Variants in FAM76B observed in about 807,000 individuals in gnomAD.
FAM76B encodes the protein protein FAM76B.
FAM76B carries 16 observed loss-of-function variants against 51.8 expected under a neutral mutation model. The observed-to-expected ratio is 0.31, with a 90% CI of 0.21 to 0.47. FAM76B has a LOEUF of 0.47. FAM76B is among the 20% of genes least tolerant of loss of function. The pLI, the probability that FAM76B is intolerant of heterozygous loss-of-function variation, is 1.00. For synonymous variants in FAM76B, 166 were observed against 129.5 expected (o/e 1.28, Z -1.91); for missense variants, 342 against 392.6 (o/e 0.87, Z 1.09).
intron 4 of FAM76B, among the ~76,000 whole-genome samples, chr11:95,784,332 T>C (rs1275858301): frequency 6.6e-6 from 1 of 151,970 alleles, no homozygotes; most frequent in Non-Finnish European, 1.5e-5. Context: ...AAATAACTAA[T>C]AGGTATTAGG....
At chr11:95,781,139 G>A (rs1238511469) in intron 5 of FAM76B, among the ~76,000 whole-genome samples, 1 of 149,768 alleles carries the variant, frequency 6.7e-6, no homozygotes, top group Non-Finnish European at 1.5e-5. Context: ...TGAACTAACA[G>A]CACTAACCAT....
At chr11:95,780,074 C>T (rs768717884) in intron 5 of FAM76B, 148 bp from the exon 6 acceptor site, 4 of 608,718 alleles carry the variant, frequency 6.6e-6, no homozygotes, top group African/African-American at 1.9e-5. Flanking sequence ...TAAGCTAATA[C>T]ATATTGAATA....
intron 4 of FAM76B, among the ~76,000 whole-genome samples, chr11:95,784,953 G>T (rs377042997): frequency 1.3e-5 from 2 of 152,016 alleles, no homozygotes; most frequent in Non-Finnish European, 2.9e-5. Context: ...GTTATATATT[G>T]ATCAACTGAC....
intron 9 of FAM76B, among the ~76,000 whole-genome samples, chr11:95,772,004 G>A (rs1305587338): frequency 1.3e-5 from 2 of 151,082 alleles, no homozygotes; most frequent in East Asian, 1.9e-4. Flanking sequence ...TGAAAACTAT[G>A]AAAATAAGTT....
intron 5 of FAM76B, among the ~76,000 whole-genome samples, chr11:95,781,726 G>T (rs1032340183): frequency 1.3e-5 from 2 of 152,016 alleles, no homozygotes; most frequent in African/African-American, 4.8e-5. Flanking sequence ...ATATTATTTT[G>T]CTTCTTGAAA....
At chr11:95,789,152 G>A (rs1860813241) in intron 1 of FAM76B, 1 of 1,211,146 alleles carries the variant, frequency 8.3e-7, no homozygotes, top group Non-Finnish European at 1.1e-6. Context: ...AGACGCTGAC[G>A]GGGCCCGGCA....
At chr11:95,783,347 C>G (rs927781012) in intron 4 of FAM76B, 83 bp from the exon 5 acceptor site, 6 of 1,151,580 alleles carry the variant, frequency 5.2e-6, no homozygotes, top group Non-Finnish European at 5.0e-6. Context: ...ACTCAACTTC[C>G]ACCTATATTC....
At chr11:95,782,856 C>G (rs1259269244) in intron 5 of FAM76B, among the ~76,000 whole-genome samples, 1 of 152,108 alleles carries the variant, frequency 6.6e-6, no homozygotes, top group Non-Finnish European at 1.5e-5. Flanking sequence ...TCCTAAATAT[C>G]TGTATTATGG....
At position 95,789,377 on chromosome 11, in the gene FAM76B, C is replaced by T. The variant is rs758577924; in HGVS notation, c.87+15G>A. 1.9e-6 allele frequency: 3 copies of T among 1,583,834 alleles called. No individual in the cohort carries two copies. Among genetic ancestry groups the T allele is most frequent in the African/African-American group, 1.3e-5 (1 of 74,208 alleles). On this transcript the variant is annotated intron_variant, in intron 1 of 9. Transcript: ENST00000358780. ...CGAGGACACCCATCCCGCCCGCCTC[C>T]CGGAGCCCACGGACCTTGCAGAGCT...
chr11:95,788,987 G>C (rs1218502436), intron 1 of FAM76B: 2 of 1,349,752 alleles, frequency 1.5e-6, no homozygotes, highest in Admixed American at 2.2e-5. Flanking sequence ...TTGCGGCTTC[G>C]GGTTCCTAGC....
chr11:95,773,595 C>CTG (rs1859867183), intron 9 of FAM76B, among the ~76,000 whole-genome samples: 1 of 151,172 alleles, frequency 6.6e-6, no homozygotes, highest in Non-Finnish European at 1.5e-5. Flanking sequence ...TCCTGGCTTA[C>CTG]TTACCAGCTA....
chr11:95,789,215 G>C, intron 1 of FAM76B, 177 bp downstream of exon 1: 1 of 955,732 alleles, frequency 1.0e-6, no homozygotes, highest in Non-Finnish European at 1.5e-6. Flanking sequence ...TTCAGGGTCC[G>C]TTCCCAGCTA....
intron 9 of FAM76B, among the ~76,000 whole-genome samples, chr11:95,772,651 A>G (rs1054551422): frequency 2.6e-5 from 4 of 151,340 alleles, no homozygotes; most frequent in East Asian, 3.9e-4. Flanking sequence ...CACAGGTTCC[A>G]GGAATTTTTA....
In FAM76B at chr11:95,789,629, GC is replaced by G. The variant is rs1860889578; in HGVS notation, c.-152del. On this transcript the variant is annotated 5_prime_UTR_variant, in exon 1 of 10. Transcript: ENST00000358780. ...CAGGGCCTCGCCGCGAGAGCCCAGG[GC>G]CCCGCGGACGACGCCACCGTCTCCC... 2 of 587,966 alleles carry G rather than the reference GC, an allele frequency of 3.4e-6. No homozygotes were observed. Among genetic ancestry groups the G allele is most frequent in the East Asian group, 6.7e-5 (2 of 29,842 alleles). The allele number at this position is 587,966 out of a possible 1,614,324, so 36.4% of individuals were successfully genotyped here. A position where few individuals can be genotyped will look rare whatever the true frequency, so the allele number is the denominator to read the frequency against.
chr11:95,786,545 A>G (rs1860599266), intron 3 of FAM76B: 1 of 276,168 alleles, frequency 3.6e-6, no homozygotes, highest in African/African-American at 2.2e-5. Context: ...TACAAAAACT[A>G]CACATAAAAA....
Position 95,783,090 on chromosome 11 carries a change from G to A in FAM76B, c.538C>T (p.His180Tyr). Reference protein sequence around the residue: ...KHHHHHHHHHHRHSSSHHKIS... With the variant: ...KHHHHHHHHHYRHSSSHHKIS... ...TTGTGATGGCTACTGCTGTGACGAT[G>A]GTGATGGTGATGATGGTGGTGATGA... Residue 180 changes from histidine to tyrosine, a missense_variant, in exon 5 of 10, where the codon CAT becomes TAT. His to Tyr is a moderately conservative substitution (Grantham distance 83). Around this residue, in one of 3 missense-constraint regions of FAM76B, gnomAD observed 230 missense variants for 257.4 expected, o/e 0.89. Coordinates refer to ENST00000358780, the MANE Select transcript of FAM76B (RefSeq NM_144664.5). 1 of 1,613,850 alleles carries A rather than the reference G, an allele frequency of 6.2e-7. No individual in the cohort carries two copies. The highest frequency in any genetic ancestry group is 8.5e-7 in the Non-Finnish European group (1 of 1,179,816).
Sources: allele counts gnomAD v4.1 joint callset (sites outside exome capture counted in the v4.1 genomes callset), GRCh38; gene constraint gnomAD v4.1.1; regional missense constraint gnomAD v4.1.1; transcripts MANE v1.5; gene names NCBI Gene and HGNC (gene_info 2026-07-23, HGNC 2026-07-21).